BAZ1A: variants seen among roughly 807,000 people sequenced by gnomAD.
BAZ1A encodes bromodomain adjacent to zinc finger domain 1A.
In BAZ1A, 50 loss-of-function variants were observed where a neutral mutation model predicts 185.2. The ratio of observed to expected loss-of-function variants is 0.27; its 90% CI spans 0.22 to 0.34. BAZ1A has a LOEUF of 0.34. Ranked by LOEUF, BAZ1A falls within the 10% of genes least tolerant of loss-of-function variation. The probability of loss-of-function intolerance (pLI) is 1.00; values close to 1 mark genes in which losing one functional copy is unlikely to be tolerated. For synonymous variants in BAZ1A, 571 were observed against 615.6 expected, an observed-to-expected ratio of 0.93 and a Z score of 1.07; for missense variants, 1,356 against 1,839.9, an observed-to-expected ratio of 0.74 and a Z score of 4.81.
At chr14:34,775,431 ACTG>A (rs1250899843) in intron 18 of BAZ1A, among the ~76,000 whole-genome samples, 4 of 152,204 alleles carry the variant, frequency 2.6e-5, no homozygotes, top group Non-Finnish European at 5.9e-5. Flanking sequence ...AAAATGCCTT[ACTG>A]CTTTTTCTTA....
rs369878009 is a variant in BAZ1A, at chr14:34,828,293, CAAAAAA to C, written c.393-2143_393-2138del. ...GGGCAACAAGAGCGAAACTCCGTCT[CAAAAAA>C]AAAAAAAAAAAAAAAATACTCCTTA... On this transcript the variant is annotated intron_variant, in intron 3 of 26. Coordinates refer to ENST00000360310, the MANE Select transcript of BAZ1A (RefSeq NM_013448.3). 4.2e-4 allele frequency among the ~76,000 whole-genome samples: 35 copies of C among 83,540 alleles called. No homozygotes were observed. The South Asian group carries it at 0.014, about 34-fold the overall frequency. 54.8% of individuals were successfully genotyped at this position (83,540 alleles called of 152,430 possible).
At chr14:34,866,884 AAT>A (rs1450430030) in intron 2 of BAZ1A, among the ~76,000 whole-genome samples, 1 of 152,100 alleles carries the variant, frequency 6.6e-6, no homozygotes, top group Non-Finnish European at 1.5e-5. Flanking sequence ...AAAATAACCC[AAT>A]ATATCACAAA....
chr14:34,788,949 T>G (rs1025987314), intron 12 of BAZ1A, among the ~76,000 whole-genome samples: 4 of 152,166 alleles, frequency 2.6e-5, no homozygotes, highest in African/African-American at 9.7e-5. Context: ...AGCTCTGGGA[T>G]CGTATCTGAT....
At chr14:34,754,068 C>G (rs953624398) in intron 26 of BAZ1A, among the ~76,000 whole-genome samples, 10 of 151,674 alleles carry the variant, frequency 6.6e-5, no homozygotes, top group Non-Finnish European at 1.2e-4. Flanking sequence ...GCCTGGGCAA[C>G]ATGGTGAAAC....
chr14:34,794,859 G>C lies in BAZ1A; in HGVS notation c.1253C>G (p.Thr418Ser). ...KELPEPTPVK[T>S]RLPPEIFGDA... ...ACCAAAGATTTCAGGAGGTAGTCTAGTTTTCACTGGTGTTGGTTCTGGAAG... is the reference window on the plus strand; with the variant it reads ...ACCAAAGATTTCAGGAGGTAGTCTACTTTTCACTGGTGTTGGTTCTGGAAG... The change falls in exon 11 of 27, where the codon ACT becomes AGT. Residue 418 changes from threonine (T) to serine (S), a missense_variant. Physicochemically the swap from Thr to Ser is moderately conservative, Grantham distance 58. Around this residue, in one of 7 missense-constraint regions of BAZ1A, gnomAD observed 184 missense variants for 355.1 expected, o/e 0.52. Transcript: ENST00000360310. 1 of 1,613,988 alleles carries C rather than the reference G, an allele frequency of 6.2e-7. No homozygotes were observed. The highest frequency in any genetic ancestry group is 8.5e-7 in the Non-Finnish European group (1 of 1,179,934).
chr14:34,862,143 C>T lies in BAZ1A; in HGVS notation c.293G>A (p.Arg98His), dbSNP rs778414647. 1.1e-5 allele frequency: 18 copies of T among 1,613,988 alleles called. No individual in the cohort carries two copies. The highest frequency in any genetic ancestry group is 1.1e-4 in the East Asian group (5 of 44,900). Reference protein sequence around the residue: ...PVLYLTSLTHRSRLHEICDDI... With the variant: ...PVLYLTSLTHHSRLHEICDDI... ...ATCACAAATTTCATGTAAGCGCGAA[C>T]GATGGGTAAGGCTGGTCAAGTATAA... Residue 98 changes from arginine to histidine, a missense_variant, in exon 3 of 27, where the codon CGT becomes CAT. Coordinates refer to ENST00000360310, the MANE Select transcript of BAZ1A (RefSeq NM_013448.3).
At chr14:34,817,325 T>C (rs977323758) in intron 4 of BAZ1A, among the ~76,000 whole-genome samples, 5 of 152,172 alleles carry the variant, frequency 3.3e-5, no homozygotes, top group Non-Finnish European at 7.4e-5. Context: ...CAGTGGCTCA[T>C]GCCTGTAATC....
At chr14:34,778,016 G>C (rs1879765724) in intron 17 of BAZ1A, among the ~76,000 whole-genome samples, 1 of 152,018 alleles carries the variant, frequency 6.6e-6, no homozygotes, top group Non-Finnish European at 1.5e-5. Context: ...AAAAAAAATG[G>C]GGCCGGCCAG....
At chr14:34,871,491 G>A (rs966330994) in intron 2 of BAZ1A, among the ~76,000 whole-genome samples, 1 of 152,254 alleles carries the variant, frequency 6.6e-6, no homozygotes, top group Non-Finnish European at 1.5e-5. Flanking sequence ...TAAGGAGAAT[G>A]TAGTAAGGAG....
At chr14:34,827,462 G>A (rs184739413) in intron 3 of BAZ1A, among the ~76,000 whole-genome samples, 162 of 152,274 alleles carry the variant, frequency 1.1e-3, no homozygotes, top group African/African-American at 3.7e-3. Context: ...ATTGCCGGGC[G>A]CGGTGGCTCA....
intron 6 of BAZ1A, among the ~76,000 whole-genome samples, chr14:34,807,012 C>T (rs1346515401): frequency 2.0e-5 from 3 of 150,352 alleles, no homozygotes; most frequent in Non-Finnish European, 4.4e-5. Context: ...ACTTTGGCCT[C>T]GTGAAGTGCA....
intron 16 of BAZ1A, among the ~76,000 whole-genome samples, chr14:34,781,062 CATTAT>C (rs1566557746): frequency 1.3e-5 from 2 of 151,908 alleles, no homozygotes; most frequent in Non-Finnish European, 2.9e-5. Flanking sequence ...TTGTTTAATT[CATTAT>C]ATTATCCAAA....
chr14:34,803,082 G>T, intron 6 of BAZ1A, 94 bp from the exon 7 acceptor site: 1 of 1,318,410 alleles, frequency 7.6e-7, no homozygotes, highest in Non-Finnish European at 1.1e-6. Flanking sequence ...TATTAATGCT[G>T]TTAAAAGATC....
intron 2 of BAZ1A, among the ~76,000 whole-genome samples, chr14:34,862,667 T>C (rs1424660576): frequency 4.6e-5 from 7 of 151,840 alleles, no homozygotes; most frequent in Admixed American, 3.3e-4. Context: ...AAATCAGTCA[T>C]TAAAAAGTAT....
chr14:34,872,174 G>A (rs1043572681), intron 2 of BAZ1A, among the ~76,000 whole-genome samples: 1 of 152,030 alleles, frequency 6.6e-6, no homozygotes, highest in Non-Finnish European at 1.5e-5. Flanking sequence ...ATCTCTCTGG[G>A]ACTGCTTGTA....
intron 3 of BAZ1A, among the ~76,000 whole-genome samples, chr14:34,833,020 G>A (rs1280582497): frequency 6.6e-6 from 1 of 152,104 alleles, no homozygotes; most frequent in Non-Finnish European, 1.5e-5. Flanking sequence ...CAATGTGGAT[G>A]AACCTTGAAA....
At chr14:34,852,561 GGGA>G (rs2138793255) in intron 3 of BAZ1A, among the ~76,000 whole-genome samples, 1 of 152,272 alleles carries the variant, frequency 6.6e-6, no homozygotes, top group East Asian at 1.9e-4. Flanking sequence ...GGAAGTCGCA[GGGA>G]GCCAAGATTG....
chr14:34,858,304 C>T (rs1369905302), intron 3 of BAZ1A, among the ~76,000 whole-genome samples: 1 of 152,108 alleles, frequency 6.6e-6, no homozygotes, highest in Non-Finnish European at 1.5e-5. Context: ...GTTGCCCAGA[C>T]TGGAGTGCAG....
chr14:34,801,451 C>G (rs1330436494), intron 7 of BAZ1A, among the ~76,000 whole-genome samples: 2 of 78,504 alleles, frequency 2.5e-5, no homozygotes, highest in African/African-American at 1.2e-4. Context: ...GCCACCACAC[C>G]TGGCTAATTT....
Sources: gnomAD v4.1 joint callset for allele counts (sites outside exome capture counted in the v4.1 genomes callset) on GRCh38, gnomAD v4.1.1 for gene constraint, gnomAD v4.1.1 regional missense constraint, MANE v1.5 for transcripts, NCBI Gene and HGNC (gene_info 2026-07-23, HGNC 2026-07-21) for gene names.